PIK3C2G: variants seen among roughly 807,000 people sequenced by gnomAD.
The protein encoded by PIK3C2G is phosphatidylinositol 3-kinase C2 domain-containing subunit gamma.
A neutral mutation model predicts 181.1 loss-of-function variants in PIK3C2G; 168 were observed. The ratio of observed to expected loss-of-function variants is 0.93; its 90% CI spans 0.82 to 1.05. The LOEUF (loss-of-function observed/expected upper bound fraction) is 1.05. PIK3C2G is among the 50% of genes least tolerant of loss of function. The pLI is 0.00. For missense variants in PIK3C2G, 1,869 were observed against 1,732.8 expected (o/e 1.08, Z -1.40); for synonymous variants, 573 against 592.2 (o/e 0.97, Z 0.47).
chr12:18,509,083 G>T (rs1289610209), intron 24 of PIK3C2G, among the ~76,000 whole-genome samples: 4 of 151,732 alleles, frequency 2.6e-5, no homozygotes, highest in African/African-American at 9.7e-5. Flanking sequence ...ATGGAGTCTC[G>T]CTCTGTCACC....
intron 31 of PIK3C2G, among the ~76,000 whole-genome samples, chr12:18,616,467 A>C (rs891686356): frequency 6.6e-6 from 1 of 152,110 alleles, no homozygotes; most frequent in African/African-American, 2.4e-5. Context: ...ACACTAAACT[A>C]AGGAAGGTCA....
At chr12:18,607,580 C>T (rs1948097527) in intron 30 of PIK3C2G, among the ~76,000 whole-genome samples, 1 of 152,136 alleles carries the variant, frequency 6.6e-6, no homozygotes, top group African/African-American at 2.4e-5. Flanking sequence ...AATGTTAGAC[C>T]TAAAACCATA....
chr12:18,401,261 T>C (rs1332235462), intron 16 of PIK3C2G, among the ~76,000 whole-genome samples: 3 of 152,204 alleles, frequency 2.0e-5, no homozygotes, highest in African/African-American at 4.8e-5. Flanking sequence ...ATTATCATTA[T>C]TATTTATTTC....
chr12:18,724,876 T>A, the PIK3C2G span, among the ~76,000 whole-genome samples: 1 of 152,130 alleles, frequency 6.6e-6, no homozygotes, highest in African/African-American at 2.4e-5. Context: ...TTCTACTGAA[T>A]AGCAGCATAA....
chr12:18,707,670 A>G, the PIK3C2G span, among the ~76,000 whole-genome samples: 1 of 152,128 alleles, frequency 6.6e-6, no homozygotes, highest in African/African-American at 2.4e-5. Flanking sequence ...AGACCAAGTT[A>G]TGACTTCCCT....
At chr12:18,386,243 T>G (rs958991028) in intron 14 of PIK3C2G, among the ~76,000 whole-genome samples, 4 of 152,336 alleles carry the variant, frequency 2.6e-5, no homozygotes, top group Non-Finnish European at 4.4e-5. Flanking sequence ...ATATTCTCCC[T>G]GGATGCTCTC....
chr12:18,261,800 A>T (rs1297581353), intron 1 of PIK3C2G, among the ~76,000 whole-genome samples: 3 of 152,072 alleles, frequency 2.0e-5, no homozygotes, highest in African/African-American at 7.2e-5. Flanking sequence ...TTTCCTGAAT[A>T]AACTTATTCT....
At chr12:18,414,882 A>G (rs1419247304) in intron 16 of PIK3C2G, among the ~76,000 whole-genome samples, 6 of 152,204 alleles carry the variant, frequency 3.9e-5, no homozygotes, top group Admixed American at 2.6e-4. Context: ...TTTAATGTCA[A>G]GTTAGGCCTT....
chr12:18,368,025 A>G (rs1941763770), intron 12 of PIK3C2G, among the ~76,000 whole-genome samples: 3 of 152,268 alleles, frequency 2.0e-5, no homozygotes, highest in African/African-American at 7.2e-5. Context: ...TTAGAAAACC[A>G]TCAGATCTCT....
chr12:18,521,741 G>A (rs1942933445), intron 24 of PIK3C2G, among the ~76,000 whole-genome samples: 1 of 152,224 alleles, frequency 6.6e-6, no homozygotes, highest in Non-Finnish European at 1.5e-5. Context: ...TTCCCACAAG[G>A]ACCTCACAGG....
chr12:18,411,007 C>T (rs1243569996), intron 16 of PIK3C2G, among the ~76,000 whole-genome samples: 1 of 152,126 alleles, frequency 6.6e-6, no homozygotes, highest in African/African-American at 2.4e-5. Context: ...AGTCCATATA[C>T]TATCCATCAG....
the PIK3C2G span, among the ~76,000 whole-genome samples, chr12:18,656,012 A>G: frequency 2.6e-5 from 4 of 152,332 alleles, no homozygotes; most frequent in African/African-American, 7.2e-5. Flanking sequence ...AGCTAATAAC[A>G]ATATATCAAT....
chr12:18,309,756 T>C (rs921777920), intron 5 of PIK3C2G, among the ~76,000 whole-genome samples: 3 of 151,856 alleles, frequency 2.0e-5, no homozygotes, highest in Non-Finnish European at 4.4e-5. Flanking sequence ...CTGATTTTTA[T>C]TTCCTACAAG....
chr12:18,695,797 A>G, the PIK3C2G span, among the ~76,000 whole-genome samples: 4 of 152,168 alleles, frequency 2.6e-5, no homozygotes, highest in African/African-American at 4.8e-5. Flanking sequence ...AGTATAAATG[A>G]TAGAGGTCAC....
chr12:18,337,080 A>G (rs1326508955), intron 8 of PIK3C2G, among the ~76,000 whole-genome samples: 2 of 152,160 alleles, frequency 1.3e-5, no homozygotes. Context: ...GTAATTCTCC[A>G]TTGGAAGGAC....
chr12:18,719,288 A>C, the PIK3C2G span: 2 of 448,056 alleles, frequency 4.5e-6, no homozygotes, highest in Non-Finnish European at 7.7e-6. Flanking sequence ...CAAGATATGT[A>C]CAAGTAAAAA....
At chr12:18,554,649 G>T in intron 26 of PIK3C2G, among the ~76,000 whole-genome samples, 1 of 151,846 alleles carries the variant, frequency 6.6e-6, no homozygotes, top group Non-Finnish European at 1.5e-5. Context: ...AAATTTTTTT[G>T]CTTAAAAAAT....
At chr12:18,670,617 G>A in the PIK3C2G span, among the ~76,000 whole-genome samples, 4 of 152,114 alleles carry the variant, frequency 2.6e-5, no homozygotes, top group Admixed American at 2.6e-4. Flanking sequence ...AAAGCACTTA[G>A]GATAATGCTT....
intron 25 of PIK3C2G, among the ~76,000 whole-genome samples, chr12:18,543,645 G>A (rs1186704576): frequency 1.3e-5 from 2 of 151,910 alleles, no homozygotes; most frequent in Non-Finnish European, 2.9e-5. Context: ...GTTGAATAGG[G>A]AGTCCTTTCC....
Sources: gnomAD v4.1 joint callset for allele counts (sites outside exome capture counted in the v4.1 genomes callset) on GRCh38, gnomAD v4.1.1 for gene constraint, MANE v1.5 for transcripts, NCBI Gene and HGNC (gene_info 2026-07-23, HGNC 2026-07-21) for gene names.